The following SRSF11 variants were observed in gnomAD, a reference collection of about 807,000 sequenced individuals.
The protein encoded by SRSF11 is serine/arginine-rich splicing factor 11.
Under a neutral mutation model 56.0 loss-of-function variants are expected in SRSF11, and 9 were observed. The ratio of observed to expected loss-of-function variants is 0.16; its 90% CI spans 0.10 to 0.28. The LOEUF (loss-of-function observed/expected upper bound fraction) is 0.28, where lower values mean the gene tolerates loss of function less well. SRSF11 is among the 10% of genes least tolerant of loss of function. The pLI is 1.00. For synonymous variants in SRSF11, 222 were observed against 215.3 expected (o/e 1.03, Z -0.27); for missense variants, 421 against 600.7 (o/e 0.70, Z 3.13).
At chr1:70,243,915 G>C (rs536014556) in intron 7 of SRSF11, among the ~76,000 whole-genome samples, 1 of 152,104 alleles carries the variant, frequency 6.6e-6, no homozygotes, top group Non-Finnish European at 1.5e-5. Flanking sequence ...TTTTAATGCA[G>C]TAGGGAGGAT....
chr1:70,250,876 G>A lies in SRSF11; in HGVS notation c.*71G>A. The stretch of plus-strand genomic sequence containing the variant: ...TTCCTTTGTGTGATTTCTTAATGCT[G>A]TATTTGTTCATCTCAAACCTAGATG... On this transcript the variant is annotated 3_prime_UTR_variant, in exon 12 of 12. Coordinates refer to ENST00000370949, the MANE Select transcript of SRSF11 (RefSeq NM_001350605.2). The A allele has an allele frequency of 1.4e-6, 2 of 1,386,982 alleles. No individual in the cohort carries two copies. The highest frequency in any genetic ancestry group is 2.0e-6 in the Non-Finnish European group (2 of 983,538). The allele number at this position is 1,386,982 out of a possible 1,614,324, so 85.9% of individuals were successfully genotyped here. A position where few individuals can be genotyped will look rare whatever the true frequency, so the allele number is the denominator to read the frequency against.
At chr1:70,227,588 C>T (rs1672070649) in intron 1 of SRSF11, among the ~76,000 whole-genome samples, 2 of 152,148 alleles carry the variant, frequency 1.3e-5, no homozygotes, top group Non-Finnish European at 2.9e-5. Flanking sequence ...TTGGTATGGG[C>T]TTGAGCCATC....
upstream of SRSF11, among the ~76,000 whole-genome samples, chr1:70,219,619 C>G (rs545926192): frequency 1.3e-5 from 2 of 152,280 alleles, no homozygotes; most frequent in South Asian, 4.1e-4. Context: ...TCCTCTGGTT[C>G]TGGTATTTGT....
In SRSF11 at chr1:70,215,516, T is replaced by C. The variant is rs540542682; in HGVS notation, c.-25-6096T>C. Among the ~76,000 whole-genome samples the C allele has an allele frequency of 1.3e-4, 20 of 152,320 alleles. No homozygotes were observed. The South Asian group carries it at 4.1e-3, about 32-fold the overall frequency. On this transcript the variant is annotated intron_variant, in intron 1 of 12. Transcript: ENST00000370950. ...ATGCTGGACTTGTTCCAGTATGATATTGTTAGGTATCAGAAACCCAAAGAC... is the reference window on the plus strand; with the variant it reads ...ATGCTGGACTTGTTCCAGTATGATACTGTTAGGTATCAGAAACCCAAAGAC...
At position 70,250,837 on chromosome 1, in the gene SRSF11, C is replaced by T; in HGVS notation, c.*32C>T. The T allele has an allele frequency of 6.4e-7, 1 of 1,562,930 alleles. No individual in the cohort carries two copies. The highest frequency in any genetic ancestry group is 8.8e-7 in the Non-Finnish European group (1 of 1,134,598). On this transcript the variant is annotated 3_prime_UTR_variant, in exon 12 of 12. Transcript: ENST00000370949. The stretch of plus-strand genomic sequence containing the variant: ...CCTCTGAGGGAGTCCAACTGTATAC[C>T]TGCATCAGTGTCATTCCTTTGTGTG...
At chr1:70,217,989 T>G (rs1421738250), upstream of SRSF11, among the ~76,000 whole-genome samples, 1 of 152,014 alleles carries the variant, frequency 6.6e-6, no homozygotes, top group Non-Finnish European at 1.5e-5. Flanking sequence ...TTGTGTGTGT[T>G]TTTTGTTTTT....
rs185393305 is a variant in SRSF11, at chr1:70,213,273, C to T, written c.-26+7493C>T. On this transcript the variant is annotated intron_variant, in intron 1 of 12. Transcript: ENST00000370950. The stretch of plus-strand genomic sequence containing the variant: ...GGCTAATTAGAAGAAGTATTTATTA[C>T]AGTAGATGAGAACACACATAGGGGA... Among the ~76,000 whole-genome samples the T allele has an allele frequency of 3.3e-3, 499 of 152,242 alleles. 5 individuals are homozygous for T. Among genetic ancestry groups the T allele is most frequent in the South Asian group, 0.031 (148 of 4,816 alleles).
chr1:70,247,150 G>A, intron 9 of SRSF11: 1 of 1,019,692 alleles, frequency 9.8e-7, no homozygotes, highest in Non-Finnish European at 1.2e-6. Flanking sequence ...TTCAAGAGAG[G>A]TGAGTTTTTC....
intron 1 of SRSF11, among the ~76,000 whole-genome samples, chr1:70,213,730 C>T (rs1669765590): frequency 6.6e-6 from 1 of 152,096 alleles, no homozygotes; most frequent in South Asian, 2.1e-4. Flanking sequence ...CACGTATTAT[C>T]CTCATAACAA....
intron 1 of SRSF11, among the ~76,000 whole-genome samples, chr1:70,224,382 C>T (rs1332722785): frequency 6.6e-6 from 1 of 152,156 alleles, no homozygotes; most frequent in Non-Finnish European, 1.5e-5. Context: ...TCCCAGACCA[C>T]CCTATGTAAA....
chr1:70,244,036 T>C (rs773304409), intron 7 of SRSF11, among the ~76,000 whole-genome samples: 69 of 151,856 alleles, frequency 4.5e-4, no homozygotes, highest in Non-Finnish European at 8.2e-4. Flanking sequence ...CAGGGAAAAA[T>C]GAGAGTAAAA....
chr1:70,216,014 G>A lies in SRSF11; in HGVS notation c.-25-5598G>A, dbSNP rs146274174. ...TTGGTCAGGCTCATCTCGAACCCCC[G>A]ACCTCAGGTGATCCACCCACCTCGG... On this transcript the variant is annotated intron_variant, in intron 1 of 12. Coordinates refer to the SRSF11 transcript ENST00000370950. Among the ~76,000 whole-genome samples, 57 of 152,260 alleles carry A rather than the reference G, an allele frequency of 3.7e-4. No individual in the cohort carries two copies. In the East Asian group the frequency reaches 9.3e-3, roughly 25 times the overall value.
In SRSF11 at chr1:70,227,992, G is replaced by A. The variant is rs113680168; in HGVS notation, c.204-430G>A. Among the ~76,000 whole-genome samples, 7 of 152,214 alleles carry A rather than the reference G, an allele frequency of 4.6e-5. 1 individual carries two copies. The highest frequency in any genetic ancestry group is 2.1e-4 in the South Asian group (1 of 4,824). Reference sequence around the variant, plus strand: ...CTCATTGATTATTGAGTACATGTTCGTTCTCATGATATTCATTTGTCCCTG... The same window carrying A: ...CTCATTGATTATTGAGTACATGTTCATTCTCATGATATTCATTTGTCCCTG... On this transcript the variant is annotated intron_variant, in intron 1 of 11. Transcript: ENST00000370949.
Position 70,238,622 on chromosome 1 carries a change from A to G in SRSF11, c.719-817A>G, listed in dbSNP as rs115157394. Among the ~76,000 whole-genome samples the G allele has an allele frequency of 3.1e-3, 468 of 152,342 alleles. 2 individuals are homozygous for G. Among genetic ancestry groups the G allele is most frequent in the African/African-American group, 0.01 (421 of 41,576 alleles). On this transcript the variant is annotated intron_variant, in intron 6 of 11. Coordinates refer to ENST00000370949, the MANE Select transcript of SRSF11 (RefSeq NM_001350605.2). ...GGAAGAGGAGTGATGAGCAGATAAT[A>G]GGAAGCGAGCTAGCTTACTAAAATC...
upstream of SRSF11, among the ~76,000 whole-genome samples, chr1:70,217,535 A>T (rs1008638973): frequency 6.6e-6 from 1 of 151,960 alleles, no homozygotes; most frequent in African/African-American, 2.4e-5. Flanking sequence ...CCTTTTCCCT[A>T]CTCTATTTCC....
intron 1 of SRSF11, among the ~76,000 whole-genome samples, chr1:70,208,230 GA>G (rs558331413): frequency 8.8e-4 from 133 of 151,922 alleles, no homozygotes; most frequent in Middle Eastern, 3.4e-3. Flanking sequence ...GAGTAATTCT[GA>G]AAAAAAATCC....
At chr1:70,240,608 C>T (rs770838489) in intron 7 of SRSF11, among the ~76,000 whole-genome samples, 2 of 152,148 alleles carry the variant, frequency 1.3e-5, no homozygotes, top group Non-Finnish European at 2.9e-5. Flanking sequence ...AGCCATTCTT[C>T]GATTTTCTTA....
intron 1 of SRSF11, among the ~76,000 whole-genome samples, chr1:70,226,973 G>GT (rs1250264188): frequency 2.0e-5 from 3 of 152,166 alleles, no homozygotes; most frequent in African/African-American, 7.2e-5. Context: ...GTATAACAAG[G>GT]TGGCTTAACT....
intron 1 of SRSF11, among the ~76,000 whole-genome samples, chr1:70,215,120 A>C (rs1320744914): frequency 6.6e-6 from 1 of 151,360 alleles, no homozygotes; most frequent in Non-Finnish European, 1.5e-5. Flanking sequence ...CTAGTCTTGA[A>C]CTCCTGGCGT....
Sources: allele counts gnomAD v4.1 joint callset (sites outside exome capture counted in the v4.1 genomes callset), GRCh38; gene constraint gnomAD v4.1.1; transcripts MANE v1.5; gene names NCBI Gene and HGNC (gene_info 2026-07-23, HGNC 2026-07-21).